MND1: variants seen among roughly 807,000 people sequenced by gnomAD.
The protein encoded by MND1 is meiotic nuclear divisions 1.
MND1 carries 28 observed loss-of-function variants against 35.1 expected under a neutral mutation model. The ratio of observed to expected loss-of-function variants is 0.80; its 90% CI spans 0.59 to 1.09. The LOEUF (loss-of-function observed/expected upper bound fraction) is 1.09, where lower values mean the gene tolerates loss of function less well. Among genes scored for constraint, MND1 ranks in the 50% least tolerant of loss-of-function variants. The pLI, the probability that MND1 is intolerant of heterozygous loss-of-function variation, is 0.00. For synonymous variants in MND1, 69 were observed against 70.5 expected (o/e 0.98, Z 0.11); for missense variants, 213 against 239.6 (o/e 0.89, Z 0.73).
intron 6 of MND1, among the ~76,000 whole-genome samples, chr4:153,405,854 G>C (rs995797589): frequency 2.0e-5 from 3 of 152,080 alleles, no homozygotes; most frequent in Non-Finnish European, 2.9e-5. Flanking sequence ...ACCCAGGCTG[G>C]AGTACAGTGG....
intron 4 of MND1, among the ~76,000 whole-genome samples, chr4:153,385,715 CAAAAAAA>C (rs60037291): frequency 1.2e-5 from 1 of 83,694 alleles, no homozygotes; most frequent in East Asian, 3.9e-4. Flanking sequence ...GACCCTGTCT[CAAAAAAA>C]AAAAAAAAAA....
intron 6 of MND1, 96 bp from the exon 7 acceptor site, chr4:153,408,875 A>G (rs1242122941): frequency 1.0e-5 from 3 of 299,106 alleles, no homozygotes; most frequent in Non-Finnish European, 1.6e-5. Context: ...CATATGAAAA[A>G]ATACAAATGT....
At chr4:153,349,077 A>G (rs1207952657) in intron 1 of MND1, among the ~76,000 whole-genome samples, 1 of 146,454 alleles carries the variant, frequency 6.8e-6, no homozygotes, top group Non-Finnish European at 1.5e-5. Context: ...AGAGAACTGG[A>G]GGTGATAGTT....
intron 4 of MND1, among the ~76,000 whole-genome samples, chr4:153,370,983 C>T (rs1773776056): frequency 6.6e-6 from 1 of 152,064 alleles, no homozygotes; most frequent in African/African-American, 2.4e-5. Context: ...GATCCACAGG[C>T]TGCAGAATGG....
intron 3 of MND1, 56 bp downstream of exon 3, chr4:153,355,767 A>G: frequency 9.2e-7 from 1 of 1,090,362 alleles, no homozygotes; most frequent in South Asian, 1.3e-5. Flanking sequence ...ATGTTTTGGG[A>G]AATATCTTAA....
chr4:153,353,618 A>T (rs1377063020), intron 2 of MND1, among the ~76,000 whole-genome samples: 1 of 151,624 alleles, frequency 6.6e-6, no homozygotes, highest in Non-Finnish European at 1.5e-5. Flanking sequence ...GGATGAGTAT[A>T]AATTTTTATG....
At chr4:153,359,369 A>G (rs1397303344) in intron 4 of MND1, among the ~76,000 whole-genome samples, 1 of 152,038 alleles carries the variant, frequency 6.6e-6, no homozygotes, top group African/African-American at 2.4e-5. Context: ...TTGATGGCTC[A>G]TTTCTTTTTA....
chr4:153,396,556 T>G lies in MND1; in HGVS notation c.352-663T>G, dbSNP rs528485583. Among the ~76,000 whole-genome samples, 10 of 152,330 alleles carry G rather than the reference T, an allele frequency of 6.6e-5. No individual in the cohort carries two copies. The South Asian group carries it at 1.7e-3, about 25-fold the overall frequency. On this transcript the variant is annotated intron_variant, in intron 5 of 7. Coordinates refer to ENST00000240488, the MANE Select transcript of MND1 (RefSeq NM_032117.4). ...ATTTGGTTTTTGTTTGGGCTTACTT[T>G]TCAGGTTTCAGAAATACAAATTGAA...
chr4:153,358,698 G>C, intron 4 of MND1, 76 bp downstream of exon 4: 3 of 1,431,456 alleles, frequency 2.1e-6, no homozygotes, highest in Non-Finnish European at 2.8e-6. Flanking sequence ...TTTTTGTTTA[G>C]CAGTTTCTTT....
chr4:153,344,685 C>G (rs1773024302), upstream of MND1: 1 of 1,534,240 alleles, frequency 6.5e-7, no homozygotes, highest in Admixed American at 1.8e-5. Flanking sequence ...TGGCCTGTCC[C>G]GCCCCTCTCC....
At chr4:153,401,532 A>G (rs1729348713) in intron 6 of MND1, among the ~76,000 whole-genome samples, 1 of 149,708 alleles carries the variant, frequency 6.7e-6, no homozygotes, top group Admixed American at 6.6e-5. Flanking sequence ...TACTCACCCC[A>G]AATCTCCATT....
intron 7 of MND1, among the ~76,000 whole-genome samples, chr4:153,411,713 C>T (rs567136258): frequency 3.9e-5 from 6 of 152,256 alleles, no homozygotes; most frequent in African/African-American, 1.4e-4. Context: ...GAAGTTTGTT[C>T]CCTACAAGCT....
At chr4:153,355,915 T>G (rs925692847) in intron 3 of MND1, 3 of 457,078 alleles carry the variant, frequency 6.6e-6, no homozygotes, top group Non-Finnish European at 1.2e-5. Flanking sequence ...ACATCCTGTA[T>G]ATTACATTTT....
At chr4:153,345,992 A>T (rs1430039784) in intron 1 of MND1, among the ~76,000 whole-genome samples, 1 of 152,244 alleles carries the variant, frequency 6.6e-6, no homozygotes, top group African/African-American at 2.4e-5. Flanking sequence ...ACCTGCTAAT[A>T]CTAAATGTGT....
intron 1 of MND1, 51 bp downstream of exon 1, chr4:153,344,791 C>A: frequency 6.3e-7 from 1 of 1,589,866 alleles, no homozygotes; most frequent in Non-Finnish European, 8.6e-7. Context: ...AGTGTGTGGG[C>A]TTCGCCGCCC....
At chr4:153,390,919 A>ATGTATGTG (rs1554012262) in intron 4 of MND1, among the ~76,000 whole-genome samples, 2 of 124,646 alleles carry the variant, frequency 1.6e-5, no homozygotes, top group Non-Finnish European at 3.5e-5. Context: ...GTGTGTGTAT[A>ATGTATGTG]TGTGTGTGTG....
intron 4 of MND1, among the ~76,000 whole-genome samples, chr4:153,378,090 A>G (rs1473363098): frequency 6.6e-6 from 1 of 152,178 alleles, no homozygotes; most frequent in East Asian, 1.9e-4. Context: ...TGAAACATAC[A>G]GAAACATGAT....
rs1468687428 is a variant in MND1, at chr4:153,409,003, A to G, written c.499A>G (p.Asn167Asp). The change falls in exon 7 of 8, where the codon AAC (asparagine) becomes GAC (aspartate). Residue 167 changes from asparagine (N) to aspartate (D), a missense_variant. Asn to Asp is a conservative substitution (Grantham distance 23). Transcript: ENST00000240488. Reference protein sequence around the residue: ...QANKVAKEAANRWTDNIFAIK... With the variant: ...QANKVAKEAADRWTDNIFAIK... ...AAATAAAGTAGCCAAAGAAGCTGCT[A>G]ACAGATGGACTGGTATGTACTATAA... The G allele has an allele frequency of 7.2e-6, 10 of 1,390,538 alleles. No homozygotes were observed. Among genetic ancestry groups the G allele is most frequent in the Non-Finnish European group, 8.4e-6 (9 of 1,065,744 alleles). 86.1% of individuals were successfully genotyped at this position (1,390,538 alleles called of 1,614,324 possible). A position where few individuals can be genotyped will look rare whatever the true frequency, so the allele number is the denominator to read the frequency against.
intron 4 of MND1, among the ~76,000 whole-genome samples, chr4:153,377,536 T>C (rs1728543777): frequency 1.3e-5 from 2 of 152,210 alleles, no homozygotes; most frequent in African/African-American, 4.8e-5. Flanking sequence ...CTCTAGAACC[T>C]CTCACTCTAA....
Sources: allele counts gnomAD v4.1 joint callset (sites outside exome capture counted in the v4.1 genomes callset), GRCh38; gene constraint gnomAD v4.1.1; transcripts MANE v1.5; gene names NCBI Gene and HGNC (gene_info 2026-07-23, HGNC 2026-07-21).